The following NCALD variants were observed in gnomAD, a reference collection of about 807,000 sequenced individuals.
NCALD encodes the protein neurocalcin-delta.
Under a neutral mutation model 18.6 loss-of-function variants are expected in NCALD, and 10 were observed. That is an observed-to-expected ratio of 0.54 (90% CI 0.33 to 0.91). The LOEUF (loss-of-function observed/expected upper bound fraction) is 0.91. Among genes scored for constraint, NCALD ranks in the 40% least tolerant of loss-of-function variants. NCALD has a pLI of 0.03. For missense variants in NCALD, 184 were observed against 247.6 expected, an observed-to-expected ratio of 0.74 and a Z score of 1.72; for synonymous variants, 88 against 87.4, an observed-to-expected ratio of 1.01 and a Z score of -0.04.
At chr8:101,837,666 C>T (rs1395824825) in intron 4 of NCALD, among the ~76,000 whole-genome samples, 2 of 152,138 alleles carry the variant, frequency 1.3e-5, no homozygotes, top group Admixed American at 6.5e-5. Context: ...TCTTATGAAC[C>T]TTAGCCAGCC....
intron 1 of NCALD, among the ~76,000 whole-genome samples, chr8:102,028,114 C>T (rs921266758): frequency 2.6e-5 from 4 of 152,274 alleles, no homozygotes; most frequent in Non-Finnish European, 4.4e-5. Flanking sequence ...ACTGTTTACA[C>T]AGAAAAATGT....
chr8:101,831,771 T>C lies in NCALD; in HGVS notation c.-20+55370A>G, dbSNP rs148499221. 7.5e-3 allele frequency among the ~76,000 whole-genome samples: 1,144 copies of C among 152,188 alleles called. 13 individuals carry two copies. The highest frequency in any genetic ancestry group is 0.011 in the Non-Finnish European group (779 of 68,012). ...GATCAGAACCACCCTGTGCTCCCTC[T>C]GACCTCATCTAGACTATTCTAGATC... On this transcript the variant is annotated intron_variant, in intron 4 of 6. Coordinates refer to the NCALD transcript ENST00000311028.
chr8:102,021,928 C>T (rs973788478), intron 1 of NCALD, among the ~76,000 whole-genome samples: 8 of 152,064 alleles, frequency 5.3e-5, no homozygotes, highest in African/African-American at 1.9e-4. Context: ...GAGACACAAC[C>T]GGAAAAGCCA....
intron 1 of NCALD, among the ~76,000 whole-genome samples, chr8:102,039,449 C>A (rs1277473874): frequency 6.6e-6 from 1 of 152,168 alleles, no homozygotes; most frequent in African/African-American, 2.4e-5. Flanking sequence ...TAAGAGAGAG[C>A]AATCACTGAC....
At chr8:102,115,141 A>G (rs1397659743) in intron 1 of NCALD, among the ~76,000 whole-genome samples, 1 of 152,238 alleles carries the variant, frequency 6.6e-6, no homozygotes. Flanking sequence ...CAAACTGTGT[A>G]GTTGGTCCCC....
At chr8:101,695,008 G>A (rs760788356) in intron 2 of NCALD, among the ~76,000 whole-genome samples, 7 of 152,214 alleles carry the variant, frequency 4.6e-5, no homozygotes, top group South Asian at 4.2e-4. Flanking sequence ...GAAGCTTTTC[G>A]TAACTCTTGA....
chr8:101,941,736 G>T (rs1049560419), intron 2 of NCALD, among the ~76,000 whole-genome samples: 2 of 152,084 alleles, frequency 1.3e-5, no homozygotes, highest in Non-Finnish European at 2.9e-5. Flanking sequence ...GGCTGACATG[G>T]GGTATTAACT....
chr8:102,109,660 C>T (rs1242579304), intron 1 of NCALD, among the ~76,000 whole-genome samples: 2 of 152,060 alleles, frequency 1.3e-5, no homozygotes, highest in Non-Finnish European at 2.9e-5. Context: ...TGATAAAGAT[C>T]TTATGTCCAC....
intron 1 of NCALD, among the ~76,000 whole-genome samples, chr8:101,736,023 G>T (rs919246202): frequency 6.6e-6 from 1 of 152,158 alleles, no homozygotes; most frequent in Non-Finnish European, 1.5e-5. Context: ...TACACATCTG[G>T]GCTAGCTGAT....
intron 2 of NCALD, among the ~76,000 whole-genome samples, chr8:101,944,003 G>A (rs1819068265): frequency 6.6e-6 from 1 of 151,736 alleles, no homozygotes. Context: ...AAAAAACAGG[G>A]GCAACTTGTC....
intron 3 of NCALD, chr8:101,691,355 T>C: frequency 2.0e-6 from 2 of 985,420 alleles, no homozygotes; most frequent in Non-Finnish European, 2.4e-6. Context: ...GCTCTGAGAA[T>C]GCTAACTCAG....
chr8:101,808,766 G>A (rs1412025001), intron 4 of NCALD, among the ~76,000 whole-genome samples: 2 of 152,076 alleles, frequency 1.3e-5, no homozygotes, highest in Non-Finnish European at 2.9e-5. Flanking sequence ...GAAGTGGGCT[G>A]TACACCCTAA....
intron 2 of NCALD, among the ~76,000 whole-genome samples, chr8:101,945,200 T>C (rs1819119272): frequency 6.6e-6 from 1 of 152,200 alleles, no homozygotes; most frequent in Admixed American, 6.5e-5. Flanking sequence ...ATGGTGTTCA[T>C]TCAACCAGCC....
At chr8:101,716,700 A>T (rs1353362632) in intron 2 of NCALD, among the ~76,000 whole-genome samples, 2 of 152,246 alleles carry the variant, frequency 1.3e-5, no homozygotes, top group East Asian at 3.8e-4. Context: ...GAATACGTTA[A>T]CTTGCACAGG....
intron 2 of NCALD, among the ~76,000 whole-genome samples, chr8:102,007,812 A>T (rs1821764637): frequency 6.6e-6 from 1 of 152,186 alleles, no homozygotes; most frequent in African/African-American, 2.4e-5. Flanking sequence ...TGAGTTTCCA[A>T]GAAGGCAGGG....
At chr8:101,702,891 T>C (rs1194993093) in intron 2 of NCALD, among the ~76,000 whole-genome samples, 1 of 152,220 alleles carries the variant, frequency 6.6e-6, no homozygotes, top group Admixed American at 6.5e-5. Context: ...AAAACAGTAT[T>C]GGGAAACACT....
chr8:101,741,110 T>C (rs1265317862), intron 1 of NCALD, among the ~76,000 whole-genome samples: 1 of 152,194 alleles, frequency 6.6e-6, no homozygotes, highest in African/African-American at 2.4e-5. Context: ...AGGTAGATCC[T>C]ACTCCCTGCT....
upstream of NCALD, among the ~76,000 whole-genome samples, chr8:101,794,842 C>T (rs146986180): frequency 6.2e-4 from 94 of 152,180 alleles, no homozygotes; most frequent in African/African-American, 2.2e-3. Flanking sequence ...ATTTGATATG[C>T]TTTTAGAAAA....
intron 4 of NCALD, chr8:101,871,986 G>T: frequency 1.2e-6 from 1 of 836,072 alleles, no homozygotes; most frequent in Non-Finnish European, 2.1e-6. Context: ...CTCTGGTCAG[G>T]TTCATGCCGC....
Sources: gnomAD v4.1 joint callset for allele counts (sites outside exome capture counted in the v4.1 genomes callset) on GRCh38, gnomAD v4.1.1 for gene constraint, MANE v1.5 for transcripts, NCBI Gene and HGNC (gene_info 2026-07-23, HGNC 2026-07-21) for gene names.